GPHN: variants seen among roughly 807,000 people sequenced by gnomAD.
The protein encoded by GPHN is gephyrin.
GPHN carries 17 observed loss-of-function variants against 95.5 expected under a neutral mutation model. The observed-to-expected ratio is 0.18, with a 90% CI of 0.12 to 0.27. The LOEUF (loss-of-function observed/expected upper bound fraction) is 0.27, where lower values mean the gene tolerates loss of function less well. Among genes scored for constraint, GPHN ranks in the 10% least tolerant of loss-of-function variants. The pLI, the probability that GPHN is intolerant of heterozygous loss-of-function variation, is 1.00. For missense variants in GPHN, 660 were observed against 978.1 expected (o/e 0.67, Z 4.34); for synonymous variants, 320 against 322.5 (o/e 0.99, Z 0.08).
At chr14:67,403,789 C>T in the GPHN span, among the ~76,000 whole-genome samples, 3 of 152,180 alleles carry the variant, frequency 2.0e-5, no homozygotes, top group African/African-American at 4.8e-5. Flanking sequence ...CAGTGGCTCA[C>T]GCCTATAATC....
chr14:67,011,883 A>C (rs2073036030), intron 9 of GPHN, among the ~76,000 whole-genome samples: 4 of 149,050 alleles, frequency 2.7e-5, no homozygotes, highest in Admixed American at 2.7e-4. Flanking sequence ...ATTACAATAA[A>C]ATAAACTGGT....
At chr14:67,599,395 G>C in the GPHN span, among the ~76,000 whole-genome samples, 2 of 152,148 alleles carry the variant, frequency 1.3e-5, no homozygotes, top group African/African-American at 4.8e-5. Flanking sequence ...GAGAAAACAG[G>C]AATGAATCTG....
intron 16 of GPHN, 107 bp from the exon 17 acceptor site, chr14:67,122,149 T>A (rs962591437): frequency 1.3e-5 from 13 of 1,017,044 alleles, no homozygotes; most frequent in East Asian, 9.8e-5. Context: ...CCAGATACCA[T>A]TGTAGGTGCT....
intron 2 of GPHN, among the ~76,000 whole-genome samples, chr14:66,769,876 T>G (rs1389443608): frequency 6.6e-6 from 1 of 152,144 alleles, no homozygotes; most frequent in Non-Finnish European, 1.5e-5. Flanking sequence ...AAATGAGAGT[T>G]CTGTTTCAGC....
the GPHN span, among the ~76,000 whole-genome samples, chr14:67,480,830 G>A: frequency 1.0e-3 from 155 of 152,264 alleles, 1 homozygote; most frequent in African/African-American, 3.4e-3. Flanking sequence ...GATCTCTCTG[G>A]GATGGCCCAG....
At chr14:66,582,279 C>G (rs1438101472) in intron 1 of GPHN, among the ~76,000 whole-genome samples, 2 of 151,780 alleles carry the variant, frequency 1.3e-5, no homozygotes, top group African/African-American at 4.8e-5. Context: ...CCTAAACAAC[C>G]AAGAGTAAAA....
At chr14:66,944,671 T>C (rs991658856) in intron 8 of GPHN, among the ~76,000 whole-genome samples, 2 of 152,254 alleles carry the variant, frequency 1.3e-5, no homozygotes, top group Non-Finnish European at 2.9e-5. Flanking sequence ...AATGCAGGGC[T>C]GTATTAACTG....
the GPHN span, among the ~76,000 whole-genome samples, chr14:67,367,066 A>G: frequency 2.0e-5 from 3 of 152,090 alleles, no homozygotes; most frequent in Non-Finnish European, 4.4e-5. Context: ...GTCTATATAA[A>G]TTCTTCCCAA....
chr14:67,279,527 G>A, the GPHN span: 2 of 1,528,254 alleles, frequency 1.3e-6, no homozygotes, highest in Non-Finnish European at 1.8e-6. Context: ...ATTATGCTGT[G>A]AAAATATTAG....
intron 2 of GPHN, among the ~76,000 whole-genome samples, chr14:66,719,039 G>A (rs552082279): frequency 1.3e-5 from 2 of 152,272 alleles, no homozygotes; most frequent in South Asian, 4.1e-4. Context: ...CCACAGGGGT[G>A]GTCTCTCCCA....
chr14:67,196,305 C>A, the GPHN span, among the ~76,000 whole-genome samples: 3 of 151,884 alleles, frequency 2.0e-5, no homozygotes, highest in Non-Finnish European at 4.4e-5. Flanking sequence ...CAACCTCCAC[C>A]TCTCATGTTC....
rs1460469306 is a variant in GPHN at position 66,681,231 on chromosome 14, A to G, written c.143+46A>G. ...ATTAAGTATAAATTAAAACTTTATT[A>G]TTAGTGTTCCTTTTCTCAAAAGAGT... On this transcript the variant is annotated intron_variant, in intron 2 of 22. Coordinates refer to ENST00000478722, the MANE Select transcript of GPHN (RefSeq NM_020806.5). 4 of 1,115,808 alleles carry G rather than the reference A, an allele frequency of 3.6e-6. No individual in the cohort carries two copies. The African/African-American group carries it at 4.7e-5, about 13-fold the overall frequency. The allele number at this position is 1,115,808 out of a possible 1,614,324, so 69.1% of individuals were successfully genotyped here. A position where few individuals can be genotyped will look rare whatever the true frequency, so the allele number is the denominator to read the frequency against.
chr14:67,325,242 CCTTCCT>C, the GPHN span, among the ~76,000 whole-genome samples: 246 of 152,206 alleles, frequency 1.6e-3, 3 homozygotes, highest in East Asian at 0.043. Context: ...ACACATTAAC[CCTTCCT>C]CTTCCTCTTC....
At chr14:67,688,694 T>A in the GPHN span, among the ~76,000 whole-genome samples, 1 of 151,838 alleles carries the variant, frequency 6.6e-6, no homozygotes, top group South Asian at 2.1e-4. Flanking sequence ...TTTGGCCTCC[T>A]AAAGTGCCTG....
chr14:67,318,594 A>G, the GPHN span, among the ~76,000 whole-genome samples: 1 of 152,066 alleles, frequency 6.6e-6, no homozygotes, highest in Non-Finnish European at 1.5e-5. Flanking sequence ...TTTTTCAGAG[A>G]AAATCATTTT....
the GPHN span, among the ~76,000 whole-genome samples, chr14:67,311,037 C>T: frequency 6.6e-6 from 1 of 152,184 alleles, no homozygotes; most frequent in South Asian, 2.1e-4. Flanking sequence ...TAAGGCCAGG[C>T]GTGGTGGCTC....
At chr14:67,183,497 G>T (rs934157269), downstream of GPHN, among the ~76,000 whole-genome samples, 1 of 152,138 alleles carries the variant, frequency 6.6e-6, no homozygotes, top group African/African-American at 2.4e-5. Context: ...ATAGATAGTA[G>T]GAGAGAGAGC....
At chr14:66,885,497 C>T (rs927674991) in intron 5 of GPHN, among the ~76,000 whole-genome samples, 2 of 152,036 alleles carry the variant, frequency 1.3e-5, no homozygotes, top group Non-Finnish European at 2.9e-5. Flanking sequence ...AATTAAGGAC[C>T]TTATCTTCCA....
chr14:66,775,884 C>G (rs1480343553), intron 2 of GPHN, among the ~76,000 whole-genome samples: 4 of 152,158 alleles, frequency 2.6e-5, no homozygotes, highest in Non-Finnish European at 5.9e-5. Flanking sequence ...TCCCCTTGGA[C>G]AGTGCTGGGC....
Sources: allele counts gnomAD v4.1 joint callset (sites outside exome capture counted in the v4.1 genomes callset), GRCh38; gene constraint gnomAD v4.1.1; transcripts MANE v1.5; gene names NCBI Gene and HGNC (gene_info 2026-07-23, HGNC 2026-07-21).